The following ZFAND3 variants were observed in gnomAD, a reference collection of about 807,000 sequenced individuals.
The protein encoded by ZFAND3 is AN1-type zinc finger protein 3.
A neutral mutation model predicts 29.6 loss-of-function variants in ZFAND3; 10 were observed. That is an observed-to-expected ratio of 0.34 (90% CI 0.21 to 0.57). ZFAND3 has a LOEUF of 0.57. ZFAND3 is among the 20% of genes least tolerant of loss of function. The probability of loss-of-function intolerance (pLI) is 0.86; values close to 1 mark genes in which losing one functional copy is unlikely to be tolerated. For synonymous variants in ZFAND3, 128 were observed against 112.6 expected, an observed-to-expected ratio of 1.14 and a Z score of -0.87; for missense variants, 230 against 304.5, an observed-to-expected ratio of 0.76 and a Z score of 1.82.
intron 1 of ZFAND3, among the ~76,000 whole-genome samples, chr6:37,872,844 C>T (rs1419190301): frequency 3.9e-5 from 6 of 152,188 alleles, no homozygotes; most frequent in Non-Finnish European, 8.8e-5. Context: ...CATTCTTTTA[C>T]GTGTCTTTTG....
chr6:38,093,804 T>C (rs1764919299), intron 4 of ZFAND3, among the ~76,000 whole-genome samples: 2 of 152,138 alleles, frequency 1.3e-5, no homozygotes, highest in South Asian at 4.1e-4. Flanking sequence ...ATGGAGTTAA[T>C]TGAACCATTA....
intron 2 of ZFAND3, among the ~76,000 whole-genome samples, chr6:37,990,158 TG>T (rs1050609661): frequency 3.3e-5 from 5 of 152,172 alleles, no homozygotes; most frequent in African/African-American, 4.8e-5. Flanking sequence ...TCTCTAGGTC[TG>T]GGTAAGAGCT....
chr6:38,013,404 C>T (rs1289760907), intron 2 of ZFAND3, among the ~76,000 whole-genome samples: 1 of 152,130 alleles, frequency 6.6e-6, no homozygotes, highest in Non-Finnish European at 1.5e-5. Flanking sequence ...AAATACATTC[C>T]ATGTTCTTAT....
At chr6:38,030,809 G>GA (rs1332020829) in intron 2 of ZFAND3, among the ~76,000 whole-genome samples, 1 of 152,182 alleles carries the variant, frequency 6.6e-6, no homozygotes, top group Non-Finnish European at 1.5e-5. Context: ...GGGGTAAGGG[G>GA]ATGCCAGACA....
chr6:38,144,206 TATATAATATATAA>T (rs1554183988), intron 5 of ZFAND3, among the ~76,000 whole-genome samples: 10 of 44,268 alleles, frequency 2.3e-4, no homozygotes, highest in South Asian at 1.4e-3. Flanking sequence ...TATATATATA[TATATAATATATAA>T]TATATATATA....
chr6:38,105,014 T>G (rs1374402070), intron 4 of ZFAND3, among the ~76,000 whole-genome samples: 1 of 152,224 alleles, frequency 6.6e-6, no homozygotes, highest in Non-Finnish European at 1.5e-5. Context: ...TGTGTGACTG[T>G]GGGCAGTTCA....
intron 2 of ZFAND3, among the ~76,000 whole-genome samples, chr6:37,964,044 A>G (rs999638946): frequency 7.9e-5 from 12 of 151,944 alleles, no homozygotes; most frequent in African/African-American, 2.2e-4. Flanking sequence ...TTGTAATTCT[A>G]TTTCTCCTTC....
intron 3 of ZFAND3, among the ~76,000 whole-genome samples, chr6:38,080,359 G>A (rs957048945): frequency 1.1e-4 from 16 of 151,620 alleles, no homozygotes; most frequent in African/African-American, 3.2e-4. Flanking sequence ...TAAATAGTTC[G>A]CAGTAGTCAC....
chr6:38,030,095 TATATATA>T (rs1763529428), intron 2 of ZFAND3, among the ~76,000 whole-genome samples: 1 of 117,284 alleles, frequency 8.5e-6, no homozygotes, highest in Non-Finnish European at 1.7e-5. Context: ...TATATATATA[TATATATA>T]GCCTGAGAAG....
At chr6:38,041,214 TC>T (rs1275587987) in intron 2 of ZFAND3, among the ~76,000 whole-genome samples, 2 of 152,208 alleles carry the variant, frequency 1.3e-5, no homozygotes, top group Non-Finnish European at 2.9e-5. Flanking sequence ...GTGCATAGTA[TC>T]AGGAAGCATG....
intron 2 of ZFAND3, among the ~76,000 whole-genome samples, chr6:38,008,259 C>T (rs954243555): frequency 6.6e-6 from 1 of 152,112 alleles, no homozygotes; most frequent in African/African-American, 2.4e-5. Context: ...TTGAGACCTG[C>T]ATTAATGATA....
chr6:38,117,245 C>T (rs1290565370), intron 5 of ZFAND3, among the ~76,000 whole-genome samples: 1 of 143,552 alleles, frequency 7.0e-6, no homozygotes, highest in Non-Finnish European at 1.5e-5. Context: ...CAGTTAATAC[C>T]TTGAAATAGC....
chr6:37,879,706 T>G (rs1367059508), intron 1 of ZFAND3, among the ~76,000 whole-genome samples: 2 of 152,190 alleles, frequency 1.3e-5, no homozygotes, highest in Non-Finnish European at 1.5e-5. Context: ...AGTAAATTCA[T>G]TATTGGTAGA....
intron 2 of ZFAND3, among the ~76,000 whole-genome samples, chr6:37,941,700 TGTCA>T (rs1385922688): frequency 6.6e-6 from 1 of 152,212 alleles, no homozygotes; most frequent in Non-Finnish European, 1.5e-5. Flanking sequence ...GTTTGCACAT[TGTCA>T]GTGTGAAAGC....
chr6:37,967,902 A>G (rs910799044), intron 2 of ZFAND3, among the ~76,000 whole-genome samples: 4 of 152,044 alleles, frequency 2.6e-5, no homozygotes, highest in African/African-American at 7.2e-5. Context: ...GTGGGCTCTC[A>G]AGTAAATTTA....
intron 1 of ZFAND3, among the ~76,000 whole-genome samples, chr6:37,832,443 G>C (rs1365546843): frequency 6.6e-6 from 1 of 152,204 alleles, no homozygotes; most frequent in Non-Finnish European, 1.5e-5. Context: ...AATTGGAGAA[G>C]CAACTAGTAG....
chr6:38,081,957 T>C (rs1176319334), intron 3 of ZFAND3, among the ~76,000 whole-genome samples: 1 of 152,154 alleles, frequency 6.6e-6, no homozygotes, highest in Non-Finnish European at 1.5e-5. Flanking sequence ...TATGTAAGGC[T>C]AGTTTTTCAG....
At chr6:37,854,590 G>A (rs1048582222) in intron 1 of ZFAND3, among the ~76,000 whole-genome samples, 3 of 152,242 alleles carry the variant, frequency 2.0e-5, no homozygotes, top group East Asian at 1.9e-4. Flanking sequence ...AGTGTTATGT[G>A]TATTAATTAT....
At chr6:38,023,180 C>T (rs1272940142) in intron 2 of ZFAND3, among the ~76,000 whole-genome samples, 1 of 152,172 alleles carries the variant, frequency 6.6e-6, no homozygotes, top group Non-Finnish European at 1.5e-5. Flanking sequence ...TAGCCAGACA[C>T]TGAATCAAGG....
Sources: gnomAD v4.1 joint callset for allele counts (sites outside exome capture counted in the v4.1 genomes callset) on GRCh38, gnomAD v4.1.1 for gene constraint, MANE v1.5 for transcripts, NCBI Gene and HGNC (gene_info 2026-07-23, HGNC 2026-07-21) for gene names.